Variants in KDM4C observed in about 807,000 individuals in gnomAD.
KDM4C encodes lysine-specific demethylase 4C.
A neutral mutation model predicts 129.3 loss-of-function variants in KDM4C; 81 were observed. The ratio of observed to expected loss-of-function variants is 0.63; its 90% CI spans 0.52 to 0.75. The LOEUF is 0.75. KDM4C is among the 30% of genes least tolerant of loss of function. The pLI is 0.00. For missense variants in KDM4C, 1,457 were observed against 1,304.0 expected (o/e 1.12, Z -1.81); for synonymous variants, 573 against 456.1 (o/e 1.26, Z -3.26).
At chr9:6,737,132 C>A (rs1052018289) in intron 1 of KDM4C, among the ~76,000 whole-genome samples, 4 of 148,630 alleles carry the variant, frequency 2.7e-5, no homozygotes, top group African/African-American at 4.9e-5. Flanking sequence ...TCTCTATTTT[C>A]AAAAAACAAA....
intron 4 of KDM4C, chr9:6,814,987 T>G (rs142775983): frequency 6.0e-6 from 2 of 332,160 alleles, no homozygotes; most frequent in Admixed American, 4.8e-5. Context: ...ATCTGGCTGA[T>G]CTTTTCATTA....
chr9:7,092,671 A>C (rs544145734), intron 17 of KDM4C, among the ~76,000 whole-genome samples: 2 of 152,280 alleles, frequency 1.3e-5, no homozygotes, highest in African/African-American at 4.8e-5. Context: ...CCCATAGAGA[A>C]ATGGAGGTGC....
At chr9:6,971,144 T>G (rs1274266077) in intron 8 of KDM4C, among the ~76,000 whole-genome samples, 1 of 152,228 alleles carries the variant, frequency 6.6e-6, no homozygotes, top group African/African-American at 2.4e-5. Flanking sequence ...AGCCATGTAG[T>G]GATTTCTTAT....
At chr9:7,078,369 C>T (rs1489718277) in intron 17 of KDM4C, among the ~76,000 whole-genome samples, 1 of 150,822 alleles carries the variant, frequency 6.6e-6, no homozygotes, top group African/African-American at 2.4e-5. Context: ...CAGCTTTTAG[C>T]AGAGAAATTG....
intron 8 of KDM4C, among the ~76,000 whole-genome samples, chr9:6,970,104 A>G (rs1394442706): frequency 6.6e-6 from 1 of 152,240 alleles, no homozygotes; most frequent in Non-Finnish European, 1.5e-5. Context: ...GGGACAATCA[A>G]GGTGCTCTTT....
At chr9:6,753,661 G>A (rs1818146860), upstream of KDM4C, among the ~76,000 whole-genome samples, 3 of 152,084 alleles carry the variant, frequency 2.0e-5, no homozygotes, top group South Asian at 4.1e-4. Flanking sequence ...TATTAGGTGA[G>A]GGACTTTGTG....
intron 5 of KDM4C, among the ~76,000 whole-genome samples, chr9:6,851,779 C>A (rs776530061): frequency 6.6e-6 from 1 of 152,168 alleles, no homozygotes; most frequent in East Asian, 1.9e-4. Flanking sequence ...ATGATCACTT[C>A]AGGAAGAATA....
At chr9:7,134,174 C>A (rs1840942510) in intron 19 of KDM4C, among the ~76,000 whole-genome samples, 1 of 152,176 alleles carries the variant, frequency 6.6e-6, no homozygotes, top group Non-Finnish European at 1.5e-5. Context: ...AGGCATGGCC[C>A]ACATGGCCTT....
chr9:6,911,140 AG>A (rs1455610147), intron 8 of KDM4C, among the ~76,000 whole-genome samples: 1 of 152,200 alleles, frequency 6.6e-6, no homozygotes, highest in African/African-American at 2.4e-5. Context: ...TTTTTTTAAA[AG>A]GGCTGGCTTA....
At chr9:7,011,641 G>A in intron 12 of KDM4C, 57 bp from the exon 13 acceptor site, 1 of 1,450,702 alleles carries the variant, frequency 6.9e-7, no homozygotes, top group South Asian at 1.2e-5. Flanking sequence ...TTGTACTCAG[G>A]GTGATTGTTT....
At chr9:6,993,988 G>A (rs942785235) in intron 12 of KDM4C, among the ~76,000 whole-genome samples, 19 of 152,036 alleles carry the variant, frequency 1.2e-4, no homozygotes, top group African/African-American at 3.9e-4. Flanking sequence ...TTAGCACCAG[G>A]CACTGGTTTT....
chr9:7,030,113 G>A (rs1180593946), intron 15 of KDM4C, among the ~76,000 whole-genome samples: 1 of 152,066 alleles, frequency 6.6e-6, no homozygotes, highest in Non-Finnish European at 1.5e-5. Flanking sequence ...TTCAGCCAAG[G>A]TTCTTTTTGG....
chr9:7,115,168 G>A (rs1255051965), intron 18 of KDM4C, among the ~76,000 whole-genome samples: 2 of 152,010 alleles, frequency 1.3e-5, no homozygotes, highest in Admixed American at 1.3e-4. Flanking sequence ...ACTTACTGAG[G>A]AAAATCAACT....
chr9:6,747,061 T>C (rs1273186100), intron 1 of KDM4C, among the ~76,000 whole-genome samples: 1 of 142,084 alleles, frequency 7.0e-6, no homozygotes, highest in Non-Finnish European at 1.5e-5. Flanking sequence ...GGTGTGGTGG[T>C]GCACACTTCT....
intron 1 of KDM4C, among the ~76,000 whole-genome samples, chr9:6,735,490 T>C (rs1475800624): frequency 6.6e-6 from 1 of 152,130 alleles, no homozygotes; most frequent in Non-Finnish European, 1.5e-5. Context: ...TGGGAGGTGA[T>C]TGAATTATGG....
intron 17 of KDM4C, among the ~76,000 whole-genome samples, chr9:7,054,904 T>A (rs1418114403): frequency 6.6e-6 from 1 of 152,216 alleles, no homozygotes; most frequent in South Asian, 2.1e-4. Flanking sequence ...AATATTTAAA[T>A]ATTAAATCAC....
At chr9:6,926,952 C>G (rs1822686983) in intron 8 of KDM4C, among the ~76,000 whole-genome samples, 1 of 152,044 alleles carries the variant, frequency 6.6e-6, no homozygotes, top group Non-Finnish European at 1.5e-5. Flanking sequence ...GTTCATTTAT[C>G]TTAATTATTA....
At chr9:6,807,848 GT>G (rs1461254323) in intron 3 of KDM4C, among the ~76,000 whole-genome samples, 2 of 147,422 alleles carry the variant, frequency 1.4e-5, no homozygotes, top group African/African-American at 2.5e-5. Context: ...GAGGTTGGGG[GT>G]CAGCCCCCCA....
chr9:6,998,741 C>A (rs3931591), intron 12 of KDM4C, among the ~76,000 whole-genome samples: 120,748 of 152,110 alleles, frequency 0.79, 47,938 homozygotes, highest in South Asian at 0.87. Flanking sequence ...GGCTGCAGTG[C>A]GCTGAGATCA....
Sources: gnomAD v4.1 joint callset for allele counts (sites outside exome capture counted in the v4.1 genomes callset) on GRCh38, gnomAD v4.1.1 for gene constraint, MANE v1.5 for transcripts, NCBI Gene and HGNC (gene_info 2026-07-23, HGNC 2026-07-21) for gene names.